Variants in C7 observed in about 807,000 individuals in gnomAD.
The protein encoded by C7 is complement C7, also known as complement component C7.
In C7, 83 loss-of-function variants were observed where a neutral mutation model predicts 104.8. The observed-to-expected ratio is 0.79, with a 90% confidence interval of 0.66 to 0.95. The LOEUF (loss-of-function observed/expected upper bound fraction) is 0.95. Ranked by LOEUF, C7 falls within the 40% of genes least tolerant of loss-of-function variation. The pLI is 0.00. For synonymous variants in C7, 415 were observed against 360.6 expected, an observed-to-expected ratio of 1.15 and a Z score of -1.71; for missense variants, 1,070 against 1,011.2, an observed-to-expected ratio of 1.06 and a Z score of -0.79.
chr5:40,917,633 C>T (rs1354951278), intron 1 of C7, among the ~76,000 whole-genome samples: 1 of 152,084 alleles, frequency 6.6e-6, no homozygotes, highest in African/African-American at 2.4e-5. Flanking sequence ...TTTACTTTGG[C>T]TATATACCCT....
chr5:40,979,648 G>A (rs990802575), intron 16 of C7, 77 bp from the exon 17 acceptor site: 2 of 1,227,218 alleles, frequency 1.6e-6, no homozygotes, highest in South Asian at 1.5e-5. Flanking sequence ...TAAGCTCAGA[G>A]CATCACTTTT....
intron 2 of C7, among the ~76,000 whole-genome samples, chr5:40,930,356 C>T (rs752454991): frequency 5.5e-4 from 84 of 151,792 alleles, no homozygotes; most frequent in Admixed American, 2.8e-3. Context: ...TAGGCATGCA[C>T]CACCACGCCT....
intron 16 of C7, among the ~76,000 whole-genome samples, chr5:40,977,918 G>C (rs1198401553): frequency 6.6e-6 from 1 of 152,078 alleles, no homozygotes; most frequent in African/African-American, 2.4e-5. Flanking sequence ...CCAATTGCTC[G>C]AGCTCAGGAG....
Position 40,959,438 on chromosome 5 carries a change from T to A in C7, c.1490-11T>A. Reference sequence around the variant, plus strand: ...AAGAACTTATTGATCAACCTCTTTCTCATCTTGTAGGAGGGGTTGATGGAG... The same window carrying A: ...AAGAACTTATTGATCAACCTCTTTCACATCTTGTAGGAGGGGTTGATGGAG... On this transcript the variant is annotated splice_polypyrimidine_tract_variant and intron_variant, in intron 11 of 17. Coordinates refer to ENST00000313164, the MANE Select transcript of C7 (RefSeq NM_000587.4). 6.2e-7 allele frequency: 1 copy of A among 1,606,478 alleles called. No homozygotes were observed. Among genetic ancestry groups the A allele is most frequent in the Non-Finnish European group, 8.5e-7 (1 of 1,177,036 alleles).
In C7 at chr5:40,972,538, G is replaced by A; in HGVS notation, c.2018G>A (p.Cys673Tyr). 1 of 1,613,436 alleles carries A rather than the reference G, an allele frequency of 6.2e-7. No homozygotes were observed. Among genetic ancestry groups the A allele is most frequent in the East Asian group, 2.2e-5 (1 of 44,882 alleles). Residue 673 changes from cysteine (C) to tyrosine (Y), a missense_variant, in exon 15 of 18, where the codon TGT (cysteine) becomes TAT (tyrosine). Coordinates refer to ENST00000313164, the MANE Select transcript of C7 (RefSeq NM_000587.4). ...MSLEGPSAFL[C>Y]GSSLKWSPEM... Reference sequence around the variant, plus strand: ...TTAGAAGGTCCTTCAGCATTTCTCTGTGGCTCCAGCCTTAAGTGGAGTCCT... The same window carrying A: ...TTAGAAGGTCCTTCAGCATTTCTCTATGGCTCCAGCCTTAAGTGGAGTCCT...
rs1579882981 is a variant in C7 at position 40,981,835 on chromosome 5, T to G, written c.*262T>G. On this transcript the variant is annotated 3_prime_UTR_variant, in exon 18 of 18. Transcript: ENST00000313164. ...GCGTGTTCTTGAAATAGGTGTTACCTTCTCTGGGCCTTGGTTTTTTAAAAT... is the reference window on the plus strand; with the variant it reads ...GCGTGTTCTTGAAATAGGTGTTACCGTCTCTGGGCCTTGGTTTTTTAAAAT... The G allele has an allele frequency of 1.2e-5, 4 of 320,396 alleles. No individual in the cohort carries two copies. In the East Asian group the frequency reaches 2.1e-4, roughly 17 times the overall value. 19.8% of individuals were successfully genotyped at this position (320,396 alleles called of 1,614,324 possible). A position where few individuals can be genotyped will look rare whatever the true frequency, so the allele number is the denominator to read the frequency against.
chr5:40,950,133 G>A, intron 9 of C7, 119 bp downstream of exon 9: 1 of 627,518 alleles, frequency 1.6e-6, no homozygotes, highest in South Asian at 2.0e-5. Context: ...TTGTTGTACA[G>A]ATTATTTTGT....
chr5:40,948,894 T>A (rs1172951517), intron 8 of C7, among the ~76,000 whole-genome samples: 1 of 152,162 alleles, frequency 6.6e-6, no homozygotes, highest in Non-Finnish European at 1.5e-5. Context: ...GGGTAAACTA[T>A]AATATTTTTT....
intron 14 of C7, among the ~76,000 whole-genome samples, chr5:40,966,673 G>A (rs1740562403): frequency 6.6e-6 from 1 of 152,008 alleles, no homozygotes; most frequent in Non-Finnish European, 1.5e-5. Context: ...TACCATGCCT[G>A]GCACAATATT....
intron 1 of C7, among the ~76,000 whole-genome samples, chr5:40,919,815 G>A (rs1739402847): frequency 6.6e-6 from 1 of 151,680 alleles, no homozygotes; most frequent in African/African-American, 2.4e-5. Context: ...ACACAACATA[G>A]CAAACATATG....
intron 6 of C7, among the ~76,000 whole-genome samples, chr5:40,943,496 C>T (rs1739982939): frequency 6.6e-6 from 1 of 151,060 alleles, no homozygotes; most frequent in African/African-American, 2.4e-5. Context: ...AGATGCTGAA[C>T]TAAAGCAGCT....
At position 40,984,141 on chromosome 5, in the gene C7, T is replaced by C. The variant is rs1420995615; in HGVS notation, c.*2568T>C. On this transcript the variant is annotated 3_prime_UTR_variant, in exon 18 of 18. Transcript: ENST00000313164. ...GTGCCTTCCTGTGACATCTTATGTA[T>C]TTCCTAATTGATCAAAAGTAGTGCT... Among the ~76,000 whole-genome samples the C allele has an allele frequency of 6.6e-6, 1 of 152,218 alleles. No homozygotes were observed. Among genetic ancestry groups the C allele is most frequent in the Non-Finnish European group, 1.5e-5 (1 of 68,050 alleles).
intron 8 of C7, among the ~76,000 whole-genome samples, chr5:40,948,874 C>A (rs1463389926): frequency 2.0e-5 from 3 of 152,046 alleles, no homozygotes; most frequent in African/African-American, 7.2e-5. Flanking sequence ...AGTCTTTTAG[C>A]TTTTTAAATG....
At chr5:40,920,486 C>T (rs1361592110) in intron 1 of C7, among the ~76,000 whole-genome samples, 1 of 139,868 alleles carries the variant, frequency 7.1e-6, no homozygotes, top group African/African-American at 2.7e-5. Context: ...AAAATCTGAA[C>T]ATACCAATAA....
intron 3 of C7, among the ~76,000 whole-genome samples, chr5:40,933,477 T>C (rs556797402): frequency 6.6e-6 from 1 of 152,354 alleles, no homozygotes; most frequent in South Asian, 2.1e-4. Flanking sequence ...TCATAGTGAA[T>C]GAGGATTAAA....
chr5:40,974,247 A>T (rs1006985579), intron 15 of C7, among the ~76,000 whole-genome samples: 1 of 152,136 alleles, frequency 6.6e-6, no homozygotes, highest in Non-Finnish European at 1.5e-5. Context: ...CTTGATGGGA[A>T]TAAATTTGCT....
chr5:40,954,587 A>G (rs1004798175), intron 9 of C7, among the ~76,000 whole-genome samples: 8 of 152,142 alleles, frequency 5.3e-5, no homozygotes, highest in African/African-American at 1.4e-4. Flanking sequence ...TTTTTAAAAA[A>G]TATACCTTAG....
At chr5:40,916,961 C>T (rs1739332174) in intron 1 of C7, among the ~76,000 whole-genome samples, 1 of 151,488 alleles carries the variant, frequency 6.6e-6, no homozygotes, top group Non-Finnish European at 1.5e-5. Context: ...ATAGTGAAAC[C>T]CAGTCTCTAC....
At chr5:40,920,457 C>T (rs976019522) in intron 1 of C7, among the ~76,000 whole-genome samples, 1 of 145,642 alleles carries the variant, frequency 6.9e-6, no homozygotes, top group East Asian at 2.0e-4. Context: ...CATACAAAGA[C>T]TGAATCATAA....
Sources: gnomAD v4.1 joint callset for allele counts (sites outside exome capture counted in the v4.1 genomes callset) on GRCh38, gnomAD v4.1.1 for gene constraint, MANE v1.5 for transcripts, NCBI Gene and HGNC (gene_info 2026-07-23, HGNC 2026-07-21) for gene names.